Variants in PPARD observed in about 807,000 individuals in gnomAD.
PPARD encodes the protein peroxisome proliferator-activated receptor delta.
PPARD carries 6 observed loss-of-function variants against 39.5 expected under a neutral mutation model. That is an observed-to-expected ratio of 0.15 (90% confidence interval 0.08 to 0.30). The LOEUF (loss-of-function observed/expected upper bound fraction) is 0.30, where lower values mean the gene tolerates loss of function less well. Among genes scored for constraint, PPARD ranks in the 10% least tolerant of loss-of-function variants. PPARD has a pLI of 1.00. For missense variants in PPARD, 397 were observed against 596.8 expected (o/e 0.67, Z 3.49); for synonymous variants, 210 against 231.3 (o/e 0.91, Z 0.83).
At chr6:35,421,071 C>T (rs181481138) in intron 4 of PPARD, among the ~76,000 whole-genome samples, 1 of 152,160 alleles carries the variant, frequency 6.6e-6, no homozygotes, top group Admixed American at 6.5e-5. Context: ...AGGTGATCCA[C>T]CTGCCTTGGC....
At chr6:35,408,416 T>C (rs1765198345) in intron 2 of PPARD, among the ~76,000 whole-genome samples, 1 of 152,178 alleles carries the variant, frequency 6.6e-6, no homozygotes, top group Non-Finnish European at 1.5e-5. Flanking sequence ...TAGGAGTGAC[T>C]GCCCCAGCTG....
chr6:35,389,345 C>G (rs1216981245), intron 2 of PPARD, among the ~76,000 whole-genome samples: 2 of 151,982 alleles, frequency 1.3e-5, no homozygotes, highest in Middle Eastern at 3.4e-3. Context: ...GAGTCTTGCT[C>G]TTGTGCCCCA....
intron 2 of PPARD, among the ~76,000 whole-genome samples, chr6:35,358,113 A>G (rs940771759): frequency 2.0e-5 from 3 of 152,214 alleles, no homozygotes; most frequent in African/African-American, 7.2e-5. Context: ...ATTATCCTAG[A>G]TTATCTGGGT....
chr6:35,374,526 C>T (rs1197841377), intron 2 of PPARD, among the ~76,000 whole-genome samples: 1 of 151,706 alleles, frequency 6.6e-6, no homozygotes, highest in Non-Finnish European at 1.5e-5. Flanking sequence ...GGCATGGTGG[C>T]AGGCACCTGT....
chr6:35,389,158 C>A (rs988577534), intron 2 of PPARD, among the ~76,000 whole-genome samples: 14 of 152,158 alleles, frequency 9.2e-5, no homozygotes, highest in Non-Finnish European at 1.8e-4. Flanking sequence ...TCCAGCTTGG[C>A]CTGGACAACA....
intron 2 of PPARD, chr6:35,348,725 A>C: frequency 1.0e-6 from 1 of 985,196 alleles, no homozygotes; most frequent in Non-Finnish European, 1.2e-6. Context: ...TCTTTCAGGA[A>C]GGTCCTGGGT....
chr6:35,420,275 G>T lies in PPARD; in HGVS notation c.279G>T (p.Gly93=). 6.4e-7 allele frequency: 1 copy of T among 1,572,848 alleles called. No homozygotes were observed. The highest frequency in any genetic ancestry group is 8.6e-7 in the Non-Finnish European group (1 of 1,158,228). ...ACTACGGTGTTCATGCATGTGAGGG[G>T]TGCAAGGTACGGACTGGGGGGAGCG... ...GFHYGVHACE[G]CKGFFRRTIR... Residue 93 remains glycine (G), a synonymous_variant, in exon 4 of 8, where the codon GGG becomes GGT. Transcript: ENST00000360694.
At chr6:35,387,163 T>G (rs140126615) in intron 2 of PPARD, among the ~76,000 whole-genome samples, 3 of 152,166 alleles carry the variant, frequency 2.0e-5, no homozygotes, top group African/African-American at 7.2e-5. Context: ...TGGAGTTGCA[T>G]CAGTTGTTGC....
intron 2 of PPARD, among the ~76,000 whole-genome samples, chr6:35,400,537 C>T (rs1287269941): frequency 2.0e-5 from 3 of 152,294 alleles, no homozygotes; most frequent in South Asian, 4.1e-4. Flanking sequence ...TGGTGGCTCA[C>T]ACCTGTAATC....
Position 35,398,983 on chromosome 6 carries a change from C to T in PPARD, c.-101-12004C>T, listed in dbSNP as rs552133621. 3.3e-5 allele frequency among the ~76,000 whole-genome samples: 5 copies of T among 152,054 alleles called. No individual in the cohort carries two copies. The East Asian group carries it at 5.8e-4, about 18-fold the overall frequency. Reference sequence around the variant, plus strand: ...TATAAAAATTAGCCGGGCGTGGTGACGCATGTCTGTAGTCCCAGCTATGGG... The same window carrying T: ...TATAAAAATTAGCCGGGCGTGGTGATGCATGTCTGTAGTCCCAGCTATGGG... On this transcript the variant is annotated intron_variant, in intron 2 of 7. Coordinates refer to ENST00000360694, the MANE Select transcript of PPARD (RefSeq NM_006238.5).
In PPARD at chr6:35,424,363, A is replaced by G; in HGVS notation, c.662A>G (p.Gln221Arg). The G allele has an allele frequency of 6.2e-7, 1 of 1,612,662 alleles. No homozygotes were observed. Among genetic ancestry groups the G allele is most frequent in the Non-Finnish European group, 8.5e-7 (1 of 1,178,796 alleles). ...FVIHDIETLW[Q>R]AEKGLVWKQL... Reference sequence around the variant, plus strand: ...ATCCACGACATCGAGACATTGTGGCAGGCAGAGAAGGGGCTGGTGTGGAAG... The same window carrying G: ...ATCCACGACATCGAGACATTGTGGCGGGCAGAGAAGGGGCTGGTGTGGAAG... The change falls in exon 7 of 8, where the codon CAG (glutamine) becomes CGG (arginine). Residue 221 changes from glutamine to arginine, a missense_variant. Transcript: ENST00000360694. The surrounding 1 kb of genome is among the most constrained non-coding windows in gnomAD (Gnocchi z 7.1).
intron 2 of PPARD, among the ~76,000 whole-genome samples, chr6:35,359,996 C>A (rs1398869874): frequency 6.6e-6 from 1 of 152,092 alleles, no homozygotes; most frequent in African/African-American, 2.4e-5. Flanking sequence ...AAAGTACCTG[C>A]TTGACTGGCC....
intron 2 of PPARD, among the ~76,000 whole-genome samples, chr6:35,402,735 T>G (rs905784716): frequency 6.6e-6 from 1 of 152,072 alleles, no homozygotes; most frequent in Non-Finnish European, 1.5e-5. Flanking sequence ...CCTGTGTCCT[T>G]AAGAGGGTGG....
At chr6:35,359,901 AGTGAT>A (rs1761838621) in intron 2 of PPARD, among the ~76,000 whole-genome samples, 1 of 152,204 alleles carries the variant, frequency 6.6e-6, no homozygotes, top group East Asian at 1.9e-4. Flanking sequence ...TTTGAACCCA[AGTGAT>A]TAAAGCCCAT....
intron 1 of PPARD, among the ~76,000 whole-genome samples, chr6:35,346,810 C>G (rs1444717277): frequency 2.0e-5 from 3 of 152,364 alleles, no homozygotes; most frequent in South Asian, 4.1e-4. Flanking sequence ...TTGCCTGCGC[C>G]TTCTGCGCCG....
intron 3 of PPARD, among the ~76,000 whole-genome samples, chr6:35,417,142 A>G (rs560249326): frequency 1.7e-4 from 26 of 152,128 alleles, no homozygotes; most frequent in Admixed American, 1.5e-3. Flanking sequence ...GACTACAGGC[A>G]TGTGCCACCA....
At chr6:35,383,590 C>T (rs1308470608) in intron 2 of PPARD, among the ~76,000 whole-genome samples, 1 of 135,616 alleles carries the variant, frequency 7.4e-6, no homozygotes, top group Non-Finnish European at 1.5e-5. Flanking sequence ...GTGAGGAGCG[C>T]CTCTTTCCGG....
At chr6:35,409,339 T>TA (rs911488726) in intron 2 of PPARD, among the ~76,000 whole-genome samples, 4 of 150,270 alleles carry the variant, frequency 2.7e-5, no homozygotes, top group East Asian at 1.9e-4. Flanking sequence ...ACCTTATCCC[T>TA]AAAAAAAAAT....
chr6:35,420,428 C>A, intron 4 of PPARD, 147 bp downstream of exon 4: 1 of 1,143,812 alleles, frequency 8.7e-7, no homozygotes, highest in Non-Finnish European at 1.2e-6. Context: ...GGCCCTTGTG[C>A]TCCAGACCTC....
Sources: gnomAD v4.1 joint callset for allele counts (sites outside exome capture counted in the v4.1 genomes callset) on GRCh38, gnomAD v4.1.1 for gene constraint, Gnocchi (gnomAD v3.1) non-coding constraint, MANE v1.5 for transcripts, NCBI Gene and HGNC (gene_info 2026-07-23, HGNC 2026-07-21) for gene names.